Variants in CENPU observed in about 807,000 individuals in gnomAD.
CENPU encodes KSHV latent nuclear antigen interacting protein 1.
Under a neutral mutation model 56.7 loss-of-function variants are expected in CENPU, and 46 were observed. The ratio of observed to expected loss-of-function variants is 0.81; its 90% confidence interval spans 0.64 to 1.04. CENPU has a LOEUF of 1.04. Among genes scored for constraint, CENPU ranks in the 50% least tolerant of loss-of-function variants. The probability of loss-of-function intolerance (pLI) is 0.00; values close to 1 mark genes in which losing one functional copy is unlikely to be tolerated. For synonymous variants in CENPU, 166 were observed against 163.0 expected, an observed-to-expected ratio of 1.02 and a Z score of -0.14; for missense variants, 510 against 490.1, an observed-to-expected ratio of 1.04 and a Z score of -0.38.
In CENPU at chr4:184,695,291, T is replaced by A; in HGVS notation, c.1254A>T (p.Gly418=). 1 of 1,609,444 alleles carries A rather than the reference T, an allele frequency of 6.2e-7. No individual in the cohort carries two copies. Among genetic ancestry groups the A allele is most frequent in the Non-Finnish European group, 8.5e-7 (1 of 1,175,918 alleles). The change falls in exon 13 of 13, where the codon GGA becomes GGT. Residue 418 remains glycine, a synonymous_variant. Coordinates refer to ENST00000281453, the MANE Select transcript of CENPU (RefSeq NM_024629.4). ...ACATTTTAGTAGACTGCTCTTCTCA[T>A]CCCTGGTCAAGGAGCTTCTCTAACT... The part of the protein sequence containing the change: ...NHQLEKLLDQ[G]
intron 3 of CENPU, among the ~76,000 whole-genome samples, chr4:184,726,437 G>C (rs909686721): frequency 2.6e-5 from 4 of 152,016 alleles, no homozygotes; most frequent in East Asian, 1.9e-4. Flanking sequence ...AGTAATTAGG[G>C]AAATACAAAT....
At chr4:184,702,886 C>T (rs747842337) in intron 8 of CENPU, among the ~76,000 whole-genome samples, 5 of 152,272 alleles carry the variant, frequency 3.3e-5, no homozygotes, top group Middle Eastern at 3.4e-3. Flanking sequence ...ATCCATATTG[C>T]TGCAAAGGAC....
rs970046785 is a variant in CENPU at position 184,694,274 on chromosome 4, G to T, written c.*1014C>A. 8.1e-7 allele frequency: 1 copy of T among 1,235,662 alleles called. No individual in the cohort carries two copies. The highest frequency in any genetic ancestry group is 3.2e-5 in the East Asian group (1 of 31,362). The allele number at this position is 1,235,662 out of a possible 1,614,324, so 76.5% of individuals were successfully genotyped here. The stretch of plus-strand genomic sequence containing the variant: ...CTCTTCCGTCGGGGAGTATTGAAAA[G>T]TATGTGCACAGAACTGTAGGTAATT... On this transcript the variant is annotated 3_prime_UTR_variant, in exon 13 of 13. Transcript: ENST00000281453.
chr4:184,719,619 A>G (rs7682557), intron 4 of CENPU, among the ~76,000 whole-genome samples: 27,084 of 152,072 alleles, frequency 0.18, 2,711 homozygotes, highest in African/African-American at 0.26. Context: ...GCTTGGAGCC[A>G]GTGGACTGTA....
chr4:184,709,348 G>A lies in CENPU; in HGVS notation c.797+724C>T, dbSNP rs57027951. 7.2e-5 allele frequency among the ~76,000 whole-genome samples: 11 copies of A among 152,042 alleles called. No individual in the cohort carries two copies. The East Asian group carries it at 1.2e-3, about 16-fold the overall frequency. ...CTAAAAATGCAAAAATTAGCTGGGCGGGGTGGCACATGCCTGTAGTCCCAG... is the reference window on the plus strand; with the variant it reads ...CTAAAAATGCAAAAATTAGCTGGGCAGGGTGGCACATGCCTGTAGTCCCAG... On this transcript the variant is annotated intron_variant, in intron 8 of 12. Transcript: ENST00000281453.
chr4:184,726,517 G>A (rs1761456766), intron 3 of CENPU, among the ~76,000 whole-genome samples: 2 of 152,176 alleles, frequency 1.3e-5, no homozygotes, highest in Non-Finnish European at 2.9e-5. Flanking sequence ...AGGCAAGGAT[G>A]TGGAGAAACT....
At chr4:184,723,834 T>C (rs1579791273) in intron 4 of CENPU, among the ~76,000 whole-genome samples, 2 of 71,490 alleles carry the variant, frequency 2.8e-5, no homozygotes, top group African/African-American at 6.7e-5. Flanking sequence ...AGAGCGAGAC[T>C]CCATCTCAAA....
At chr4:184,729,712 G>C (rs1335633508) in intron 2 of CENPU, among the ~76,000 whole-genome samples, 1 of 152,170 alleles carries the variant, frequency 6.6e-6, no homozygotes, top group Non-Finnish European at 1.5e-5. Context: ...ATACCCAAAA[G>C]TTCATAAACA....
intron 8 of CENPU, among the ~76,000 whole-genome samples, chr4:184,706,390 T>C (rs1760730012): frequency 6.6e-6 from 1 of 152,232 alleles, no homozygotes. Context: ...CAGGCCTCTC[T>C]GCATATGGCT....
rs9685924 is a variant in CENPU at position 184,709,794 on chromosome 4, T to A, written c.797+278A>T. 4.7e-3 allele frequency among the ~76,000 whole-genome samples: 648 copies of A among 137,104 alleles called. 4 individuals carry two copies. Among genetic ancestry groups the A allele is most frequent in the African/African-American group, 0.015 (572 of 37,354 alleles). The allele number at this position is 137,104 out of a possible 152,430, so 89.9% of individuals were successfully genotyped here. ...AGGTCATGAAGAAAGCCTCAAAATT[T>A]AAAAAAAAAAAAAGGTATCACTGGA... On this transcript the variant is annotated intron_variant, in intron 8 of 12. Coordinates refer to ENST00000281453, the MANE Select transcript of CENPU (RefSeq NM_024629.4).
chr4:184,714,852 C>T (rs1761036149), intron 6 of CENPU, among the ~76,000 whole-genome samples: 1 of 152,062 alleles, frequency 6.6e-6, no homozygotes, highest in South Asian at 2.1e-4. Context: ...AAAAATACCT[C>T]CTCTATGTAA....
At chr4:184,711,076 T>TG (rs374465633) in intron 7 of CENPU, among the ~76,000 whole-genome samples, 31 of 150,858 alleles carry the variant, frequency 2.1e-4, no homozygotes, top group African/African-American at 7.1e-4. Flanking sequence ...AGGCTGGTCT[T>TG]GAACTCCTGG....
rs774926726 is a variant in CENPU, at chr4:184,734,020, C to T, written c.43G>A (p.Glu15Lys). 6.9e-6 allele frequency: 11 copies of T among 1,603,754 alleles called. No homozygotes were observed. Among genetic ancestry groups the T allele is most frequent in the Admixed American group, 1.7e-5 (1 of 58,414 alleles). The change falls in exon 1 of 13, where the codon GAG (glutamate) becomes AAG (lysine). Residue 15 changes from glutamate to lysine, a missense_variant. Physicochemically the swap from Glu to Lys is moderately conservative, Grantham distance 56. Coordinates refer to ENST00000281453, the MANE Select transcript of CENPU (RefSeq NM_024629.4). ...CCGAGGGTCGGCAGTACTTACCCCT[C>T]AGACCTGTGAGGCCGCGGCCGCCGC... Reference protein sequence around the residue: ...GRRRPRPHRSEGARRSKNTLE... With the variant: ...GRRRPRPHRSKGARRSKNTLE...
chr4:184,712,962 T>C lies in CENPU; in HGVS notation c.670A>G (p.Ser224Gly), dbSNP rs1394972012. ...ISHDKRKKSR[S>G]KAIGSDTSDI... ...TCTCTACCTGAGCCTATGGCTTTAC[T>C]TCTTGATTTCTTCCTTTTGTCATGA... Residue 224 changes from serine (S) to glycine (G), a missense_variant, in exon 7 of 13, where the codon AGT becomes GGT. Ser to Gly is a moderately conservative substitution (Grantham distance 56). Transcript: ENST00000281453. 2 of 1,593,024 alleles carry C rather than the reference T, an allele frequency of 1.3e-6. No homozygotes were observed. The highest frequency in any genetic ancestry group is 2.2e-5 in the South Asian group (2 of 89,112).
chr4:184,731,003 ATAGT>A (rs764901912), intron 1 of CENPU, 35 bp from the exon 2 acceptor site: 7 of 1,463,202 alleles, frequency 4.8e-6, no homozygotes, highest in Middle Eastern at 1.8e-4. Flanking sequence ...GAGTTAGGAA[ATAGT>A]TAAAATAACT....
intron 1 of CENPU, among the ~76,000 whole-genome samples, chr4:184,731,754 T>C (rs145233031): frequency 5.0e-4 from 76 of 152,316 alleles, no homozygotes; most frequent in African/African-American, 1.8e-3. Flanking sequence ...TTTTTCTCAT[T>C]TGTAGACAGC....
chr4:184,725,720 C>T (rs1761428326), intron 3 of CENPU, among the ~76,000 whole-genome samples: 1 of 152,122 alleles, frequency 6.6e-6, no homozygotes, highest in African/African-American at 2.4e-5. Flanking sequence ...TGGGGAGATT[C>T]CAGGCCTCCC....
intron 7 of CENPU, among the ~76,000 whole-genome samples, 159 bp downstream of exon 7, chr4:184,712,785 G>A (rs954840802): frequency 3.3e-5 from 5 of 151,766 alleles, no homozygotes; most frequent in South Asian, 2.1e-4. Flanking sequence ...ATGACAAAAC[G>A]TTAGAAAAAA....
At chr4:184,712,843 T>C (rs1385878583) in intron 7 of CENPU, 101 bp downstream of exon 7, 4 of 793,306 alleles carry the variant, frequency 5.0e-6, no homozygotes, top group Non-Finnish European at 6.1e-6. Flanking sequence ...GTGGCAATTT[T>C]ATGTACTTAC....
Sources: gnomAD v4.1 joint callset for allele counts (sites outside exome capture counted in the v4.1 genomes callset) on GRCh38, gnomAD v4.1.1 for gene constraint, MANE v1.5 for transcripts, NCBI Gene and HGNC (gene_info 2026-07-23, HGNC 2026-07-21) for gene names.